Variants in LGMN observed in about 807,000 individuals in gnomAD.
LGMN encodes the protein legumain.
A neutral mutation model predicts 56.8 loss-of-function variants in LGMN; 36 were observed. The ratio of observed to expected loss-of-function variants is 0.63; its 90% CI spans 0.49 to 0.84. The LOEUF (loss-of-function observed/expected upper bound fraction) is 0.84, where lower values mean the gene tolerates loss of function less well. LGMN is among the 40% of genes least tolerant of loss of function. The pLI is 0.00. For missense variants in LGMN, 446 were observed against 556.1 expected, an observed-to-expected ratio of 0.80 and a Z score of 1.99; for synonymous variants, 199 against 210.1, an observed-to-expected ratio of 0.95 and a Z score of 0.46.
chr14:92,740,570 G>A (rs1029390917), intron 1 of LGMN, among the ~76,000 whole-genome samples: 1 of 152,146 alleles, frequency 6.6e-6, no homozygotes, highest in African/African-American at 2.4e-5. Context: ...TGAAAGTCTG[G>A]GAGGCCCCGG....
At chr14:92,715,231 G>GTGTGTA (rs1158410762) in intron 5 of LGMN, among the ~76,000 whole-genome samples, 3 of 151,124 alleles carry the variant, frequency 2.0e-5, no homozygotes, top group Non-Finnish European at 4.4e-5. Context: ...GTGTGTGTGT[G>GTGTGTA]TGTTTGAGAC....
intron 2 of LGMN, among the ~76,000 whole-genome samples, chr14:92,720,606 G>A (rs1890410460): frequency 6.6e-6 from 1 of 152,236 alleles, no homozygotes; most frequent in Admixed American, 6.5e-5. Context: ...GGCGGCGGTT[G>A]CAGTGAGCCG....
Position 92,714,345 on chromosome 14 carries a change from A to C in LGMN, c.480+31T>G. 7.1e-7 allele frequency: 1 copy of C among 1,415,312 alleles called. No homozygotes were observed. Among genetic ancestry groups the C allele is most frequent in the Non-Finnish European group, 1.0e-6 (1 of 1,000,348 alleles). 87.7% of individuals were successfully genotyped at this position (1,415,312 alleles called of 1,614,324 possible). A position where few individuals can be genotyped will look rare whatever the true frequency, so the allele number is the denominator to read the frequency against. Reference sequence around the variant, plus strand: ...CCTAGGCTTGCTTTTCTGTTCTGCTAGTTTGTCCTTAAAACGTTAAGAAAA... The same window carrying C: ...CCTAGGCTTGCTTTTCTGTTCTGCTCGTTTGTCCTTAAAACGTTAAGAAAA... On this transcript the variant is annotated intron_variant, in intron 6 of 13. Coordinates refer to ENST00000334869, the MANE Select transcript of LGMN (RefSeq NM_005606.7). The surrounding 1 kb of genome is among the most constrained non-coding windows in gnomAD (Gnocchi z 5.1).
At chr14:92,729,244 C>T (rs1331175988) in intron 2 of LGMN, among the ~76,000 whole-genome samples, 1 of 150,776 alleles carries the variant, frequency 6.6e-6, no homozygotes, top group Admixed American at 6.6e-5. Context: ...CTGCCTCTGT[C>T]CCCACTCCCT....
intron 11 of LGMN, among the ~76,000 whole-genome samples, chr14:92,707,543 G>A (rs373651312): frequency 3.9e-5 from 6 of 152,212 alleles, no homozygotes; most frequent in East Asian, 3.9e-4. Context: ...TCCAGCTGTC[G>A]TCTAGCAATG....
At chr14:92,742,402 A>T (rs1253693460) in intron 1 of LGMN, among the ~76,000 whole-genome samples, 1 of 146,512 alleles carries the variant, frequency 6.8e-6, no homozygotes, top group African/African-American at 2.6e-5. Context: ...GGCTCAAGCG[A>T]TTCTCATGCG....
rs1047495050 is a variant in LGMN, at chr14:92,744,568, C to CT, written c.-30+3920dup. Among the ~76,000 whole-genome samples the CT allele has an allele frequency of 4.2e-5, 6 of 143,616 alleles. No individual in the cohort carries two copies. The East Asian group carries it at 8.0e-4, about 19-fold the overall frequency. 94.2% of individuals were successfully genotyped at this position (143,616 alleles called of 152,430 possible). A position where few individuals can be genotyped will look rare whatever the true frequency, so the allele number is the denominator to read the frequency against. On this transcript the variant is annotated intron_variant, in intron 1 of 13. Transcript: ENST00000334869. ...ACATTTTACAGAGTAATGACTTTAT[C>CT]TTTTTTTTAAGGAAATTATCCTTTA... is the stretch of plus-strand genomic sequence containing the variant.
At chr14:92,739,476 C>T (rs1471749887) in intron 1 of LGMN, among the ~76,000 whole-genome samples, 1 of 152,184 alleles carries the variant, frequency 6.6e-6, no homozygotes. Flanking sequence ...ACCCCGAATC[C>T]ATCCAACAAA....
At chr14:92,705,539 G>A (rs1889387491) in intron 12 of LGMN, among the ~76,000 whole-genome samples, 1 of 151,988 alleles carries the variant, frequency 6.6e-6, no homozygotes, top group African/African-American at 2.4e-5. Flanking sequence ...AGACTGGAGG[G>A]GTAAAGTCGA....
Position 92,709,850 on chromosome 14 carries a change from A to G in LGMN, c.842T>C (p.Met281Thr). The change falls in exon 11 of 14, where the codon ATG (methionine) becomes ACG (threonine). Residue 281 changes from methionine (M) to threonine (T), a missense_variant. Physicochemically the swap from Met to Thr is moderately conservative, Grantham distance 81 (BLOSUM62 -1). Transcript: ENST00000334869. Reference protein sequence around the residue: ...GNKTISTMKVMQFQGMKRKAS... With the variant: ...GNKTISTMKVTQFQGMKRKAS... The stretch of plus-strand genomic sequence containing the variant: ...TTTGCGTTTCATACCCTGAAACTGC[A>G]TCACTTTCATGGTGGAGATTGTCTG... 2.5e-6 allele frequency: 4 copies of G among 1,609,598 alleles called. No homozygotes were observed. Among genetic ancestry groups the G allele is most frequent in the Non-Finnish European group, 3.4e-6 (4 of 1,177,206 alleles).
At chr14:92,713,906 C>G in intron 6 of LGMN, 21 bp from the exon 7 acceptor site, 1 of 1,566,454 alleles carries the variant, frequency 6.4e-7, no homozygotes, top group Non-Finnish European at 8.8e-7. Context: ...AGAATATTGT[C>G]AGACCAACAC....
At chr14:92,706,210 AGT>A (rs1226648426) in intron 12 of LGMN, 3 of 349,012 alleles carry the variant, frequency 8.6e-6, no homozygotes, top group Middle Eastern at 7.4e-4. Context: ...GGACAGCAGA[AGT>A]GTGAACACAA....
At chr14:92,740,310 A>C (rs559798650) in intron 1 of LGMN, among the ~76,000 whole-genome samples, 2 of 152,318 alleles carry the variant, frequency 1.3e-5, no homozygotes, top group African/African-American at 4.8e-5. Flanking sequence ...AGTGGCACAG[A>C]GTGGCACATT....
Position 92,714,419 on chromosome 14 carries a change from G to T in LGMN, c.437C>A (p.Thr146Asn), listed in dbSNP as rs1416954791. 1 of 1,612,264 alleles carries T rather than the reference G, an allele frequency of 6.2e-7. No homozygotes were observed. The highest frequency in any genetic ancestry group is 8.5e-7 in the Non-Finnish European group (1 of 1,178,464). The change falls in exon 6 of 14, where the codon ACT becomes AAT. Residue 146 changes from threonine (T) to asparagine (N), a missense_variant. Transcript: ENST00000334869. The surrounding 1 kb of genome is among the most constrained non-coding windows in gnomAD (Gnocchi z 5.1). ...CAGTATTCCAGTAGATCCATGGTCA[G>T]TGAAGTAAATGAACACGTGATCCTG... is the stretch of plus-strand genomic sequence containing the variant. Reference protein sequence around the residue: ...GPQDHVFIYFTDHGSTGILVF... With the variant: ...GPQDHVFIYFNDHGSTGILVF...
In LGMN at chr14:92,743,162, A is replaced by G. The variant is rs189512387; in HGVS notation, c.-30+5327T>C. The G allele has an allele frequency of 4.6e-3, 697 of 152,242 alleles. 10 individuals are homozygous for G. Among genetic ancestry groups the G allele is most frequent in the Non-Finnish European group, 4.1e-3 (280 of 68,018 alleles). 9.4% of individuals were successfully genotyped at this position (152,242 alleles called of 1,614,324 possible). ...AGATGGTAGAGCTTATTAAAGGGTC[A>G]TTCAGTCCTTTAAATCCTTTGATTT... On this transcript the variant is annotated intron_variant, in intron 1 of 13. Coordinates refer to ENST00000334869, the MANE Select transcript of LGMN (RefSeq NM_005606.7).
In LGMN at chr14:92,703,842, A is replaced by T. The variant is rs1889277781; in HGVS notation, c.*477T>A. On this transcript the variant is annotated 3_prime_UTR_variant, in exon 14 of 14. Transcript: ENST00000334869. ...CTGTTATAAATCTTTATTTTTTAAGACTTGAACACCTGCAGAATTAAATAC... is the reference window on the plus strand; with the variant it reads ...CTGTTATAAATCTTTATTTTTTAAGTCTTGAACACCTGCAGAATTAAATAC... The T allele has an allele frequency of 5.3e-5, 18 of 342,088 alleles. No individual in the cohort carries two copies. Among genetic ancestry groups the T allele is most frequent in the South Asian group, 4.4e-4 (17 of 38,740 alleles). 21.2% of individuals were successfully genotyped at this position (342,088 alleles called of 1,614,324 possible).
At chr14:92,734,565 G>A (rs1255118734) in intron 1 of LGMN, among the ~76,000 whole-genome samples, 2 of 152,066 alleles carry the variant, frequency 1.3e-5, no homozygotes, top group Admixed American at 6.5e-5. Flanking sequence ...ACTTGAATCC[G>A]GGAGGTGAAG....
At chr14:92,724,849 G>A (rs760582905) in intron 2 of LGMN, among the ~76,000 whole-genome samples, 36 of 152,128 alleles carry the variant, frequency 2.4e-4, no homozygotes, top group East Asian at 5.8e-4. Flanking sequence ...ATACATTGGC[G>A]TGCCCCATGT....
chr14:92,706,218 C>T, intron 12 of LGMN: 1 of 363,322 alleles, frequency 2.8e-6, no homozygotes, highest in South Asian at 1.1e-4. Context: ...GAAGTGTGAA[C>T]ACAAGTAACT....
Sources: allele counts gnomAD v4.1 joint callset (sites outside exome capture counted in the v4.1 genomes callset), GRCh38; gene constraint gnomAD v4.1.1; non-coding constraint Gnocchi (gnomAD v3.1); transcripts MANE v1.5; gene names NCBI Gene and HGNC (gene_info 2026-07-23, HGNC 2026-07-21).